REC114: variants seen among roughly 807,000 people sequenced by gnomAD.
REC114 encodes the protein REC114 meiotic recombination protein.
Under a neutral mutation model 31.3 loss-of-function variants are expected in REC114, and 27 were observed. The observed-to-expected ratio is 0.86, with a 90% CI of 0.64 to 1.19. The LOEUF (loss-of-function observed/expected upper bound fraction) is 1.19. Ranked by LOEUF, REC114 falls within the 50% of genes most tolerant of loss-of-function variation. The pLI, the probability that REC114 is intolerant of heterozygous loss-of-function variation, is 0.00. For synonymous variants in REC114, 134 were observed against 127.7 expected, an observed-to-expected ratio of 1.05 and a Z score of -0.33; for missense variants, 344 against 326.9, an observed-to-expected ratio of 1.05 and a Z score of -0.40.
At position 73,478,894 on chromosome 15, in the gene REC114, A is replaced by G. The variant is rs1296848821; in HGVS notation, c.249+4973A>G. Among the ~76,000 whole-genome samples the G allele has an allele frequency of 2.0e-5, 3 of 152,328 alleles. No homozygotes were observed. In the East Asian group the frequency reaches 5.8e-4, roughly 29 times the overall value. Reference sequence around the variant, plus strand: ...TTAGAAACATAATTGATTTTTAAATATTGACCTTGTATCCTGTGATGATCT... The same window carrying G: ...TTAGAAACATAATTGATTTTTAAATGTTGACCTTGTATCCTGTGATGATCT... On this transcript the variant is annotated intron_variant, in intron 2 of 5. Transcript: ENST00000331090.
intron 2 of REC114, among the ~76,000 whole-genome samples, chr15:73,511,474 G>A (rs1315892320): frequency 4.6e-5 from 7 of 151,908 alleles, no homozygotes; most frequent in African/African-American, 1.7e-4. Flanking sequence ...GTTATTTCTT[G>A]CTTTCTGCTA....
chr15:73,494,026 C>T (rs1035330042), intron 2 of REC114, among the ~76,000 whole-genome samples: 6 of 152,116 alleles, frequency 3.9e-5, no homozygotes, highest in South Asian at 4.1e-4. Context: ...CCAGTGTCTT[C>T]TCTTTCTCTC....
intron 2 of REC114, among the ~76,000 whole-genome samples, chr15:73,537,494 C>A (rs1894172534): frequency 6.6e-6 from 1 of 152,030 alleles, no homozygotes; most frequent in Non-Finnish European, 1.5e-5. Context: ...GTATCCCCCC[C>A]TGAATCAACT....
At chr15:73,505,181 A>G (rs77891736) in intron 2 of REC114, among the ~76,000 whole-genome samples, 7,278 of 152,260 alleles carry the variant, frequency 0.048, 606 homozygotes, top group African/African-American at 0.16. Context: ...AGTGCCCTGT[A>G]AATGTTTATG....
chr15:73,447,494 A>G (rs983920060), intron 1 of REC114, among the ~76,000 whole-genome samples: 19 of 152,020 alleles, frequency 1.2e-4, no homozygotes, highest in African/African-American at 4.3e-4. Context: ...ACTTGAGGTC[A>G]GAAGTTCAGA....
chr15:73,475,326 C>T (rs1893196313), intron 2 of REC114, among the ~76,000 whole-genome samples: 1 of 152,120 alleles, frequency 6.6e-6, no homozygotes, highest in African/African-American at 2.4e-5. Flanking sequence ...GATAACTCTG[C>T]AATTTGGTGC....
chr15:73,467,322 A>G (rs948188593), intron 1 of REC114, among the ~76,000 whole-genome samples: 22 of 152,214 alleles, frequency 1.4e-4, no homozygotes, highest in African/African-American at 5.3e-4. Context: ...TTAATTGTTT[A>G]TAAATTCTCT....
chr15:73,550,814 A>G (rs1310883478), intron 3 of REC114, 124 bp from the exon 4 acceptor site: 9 of 809,580 alleles, frequency 1.1e-5, no homozygotes, highest in Non-Finnish European at 1.6e-5. Flanking sequence ...CAATAAGTGA[A>G]GATGACTGTT....
chr15:73,484,899 C>T (rs1281231879), intron 2 of REC114, among the ~76,000 whole-genome samples: 2 of 152,124 alleles, frequency 1.3e-5, no homozygotes, highest in Non-Finnish European at 2.9e-5. Flanking sequence ...AATGTTCTTC[C>T]AACAGGAATT....
At chr15:73,494,807 A>G (rs1595869587) in intron 2 of REC114, among the ~76,000 whole-genome samples, 1 of 152,230 alleles carries the variant, frequency 6.6e-6, no homozygotes, top group East Asian at 1.9e-4. Flanking sequence ...TTGGGTAGCT[A>G]AAATGGAGAT....
chr15:73,444,772 A>G (rs1187215346), intron 1 of REC114, among the ~76,000 whole-genome samples: 1 of 152,238 alleles, frequency 6.6e-6, no homozygotes, highest in Non-Finnish European at 1.5e-5. Flanking sequence ...GCCCAGATCC[A>G]TCAGAGGAAT....
intron 2 of REC114, among the ~76,000 whole-genome samples, chr15:73,474,747 A>G (rs1893187402): frequency 6.6e-6 from 1 of 152,308 alleles, no homozygotes; most frequent in African/African-American, 2.4e-5. Flanking sequence ...CTAGTGGGGG[A>G]AAAACAGCAA....
At chr15:73,452,523 T>A (rs1050889647) in intron 1 of REC114, among the ~76,000 whole-genome samples, 42 of 152,334 alleles carry the variant, frequency 2.8e-4, no homozygotes, top group Middle Eastern at 6.8e-3. Context: ...TGCTCATGGA[T>A]AGGCAGAATC....
intron 2 of REC114, among the ~76,000 whole-genome samples, chr15:73,499,589 C>T (rs754593888): frequency 6.6e-5 from 10 of 152,140 alleles, no homozygotes; most frequent in Non-Finnish European, 1.2e-4. Flanking sequence ...TCTTTAGTCT[C>T]TTATTAAGTC....
intron 2 of REC114, among the ~76,000 whole-genome samples, chr15:73,538,834 G>C (rs930622573): frequency 6.6e-6 from 1 of 151,238 alleles, no homozygotes; most frequent in Admixed American, 6.6e-5. Context: ...ATTGTATAGA[G>C]TACCACAATT....
chr15:73,504,334 A>T (rs1893645377), intron 2 of REC114, among the ~76,000 whole-genome samples: 1 of 151,916 alleles, frequency 6.6e-6, no homozygotes, highest in Non-Finnish European at 1.5e-5. Flanking sequence ...TGTTTTTCAC[A>T]TTTCTCTAAC....
intron 2 of REC114, among the ~76,000 whole-genome samples, chr15:73,510,419 T>C (rs1375965738): frequency 6.6e-6 from 1 of 151,954 alleles, no homozygotes; most frequent in East Asian, 1.9e-4. Context: ...CTTTTCCTAA[T>C]TGAATACCCT....
At chr15:73,455,460 A>G (rs1322717823) in intron 1 of REC114, among the ~76,000 whole-genome samples, 1 of 152,136 alleles carries the variant, frequency 6.6e-6, no homozygotes, top group African/African-American at 2.4e-5. Flanking sequence ...GTTTAATTAC[A>G]GAGAAAACTT....
chr15:73,532,252 G>T (rs1468856087), intron 2 of REC114, among the ~76,000 whole-genome samples: 1 of 148,700 alleles, frequency 6.7e-6, no homozygotes, highest in East Asian at 2.0e-4. Flanking sequence ...TTTTGTTCTT[G>T]CGATAGTTTA....
Sources: gnomAD v4.1 joint callset for allele counts (sites outside exome capture counted in the v4.1 genomes callset) on GRCh38, gnomAD v4.1.1 for gene constraint, MANE v1.5 for transcripts, NCBI Gene and HGNC (gene_info 2026-07-23, HGNC 2026-07-21) for gene names.